TRIQK: variants seen among roughly 807,000 people sequenced by gnomAD.
TRIQK encodes triple QxxK/R motif-containing protein.
Under a neutral mutation model 10.8 loss-of-function variants are expected in TRIQK, and 10 were observed. The observed-to-expected ratio is 0.92, with a 90% confidence interval of 0.57 to 1.57. The LOEUF (loss-of-function observed/expected upper bound fraction) is 1.57, where lower values mean the gene tolerates loss of function less well. Ranked by LOEUF, TRIQK falls within the 40% of genes most tolerant of loss-of-function variation. The pLI is 0.00. For synonymous variants in TRIQK, 33 were observed against 33.7 expected (o/e 0.98, Z 0.07); for missense variants, 107 against 97.7 (o/e 1.09, Z -0.40).
chr8:92,910,704 CTAAA>C (rs1478601497), intron 3 of TRIQK, among the ~76,000 whole-genome samples: 1 of 150,544 alleles, frequency 6.6e-6, no homozygotes, highest in Non-Finnish European at 1.5e-5. Context: ...AAAAAGAAGT[CTAAA>C]CAGACACTTC....
chr8:92,903,790 G>A (rs1021610861), intron 3 of TRIQK, among the ~76,000 whole-genome samples: 23 of 152,012 alleles, frequency 1.5e-4, no homozygotes, highest in Admixed American at 1.2e-3. Context: ...TACGTTCAGG[G>A]TGATAACTAA....
At chr8:93,014,564 T>C (rs1260705865) in intron 1 of TRIQK, among the ~76,000 whole-genome samples, 4 of 152,100 alleles carry the variant, frequency 2.6e-5, no homozygotes, top group African/African-American at 9.6e-5. Flanking sequence ...TTCTGAGTTG[T>C]TGTGTTGTTA....
intron 1 of TRIQK, among the ~76,000 whole-genome samples, chr8:93,003,583 C>G (rs1586528875): frequency 6.6e-6 from 1 of 152,254 alleles, no homozygotes; most frequent in African/African-American, 2.4e-5. Flanking sequence ...CATTTCACAA[C>G]ACAATCAGGC....
intron 1 of TRIQK, among the ~76,000 whole-genome samples, chr8:92,984,612 G>A (rs949027614): frequency 6.6e-6 from 1 of 152,010 alleles, no homozygotes; most frequent in African/African-American, 2.4e-5. Flanking sequence ...TCGACCTTTC[G>A]AAACATATTT....
At chr8:92,887,154 T>G (rs1586358168) in intron 4 of TRIQK, among the ~76,000 whole-genome samples, 1 of 151,542 alleles carries the variant, frequency 6.6e-6, no homozygotes, top group Middle Eastern at 3.4e-3. Context: ...TGATAGCATT[T>G]GGGCACAGTT....
At chr8:93,000,727 T>A (rs1813201649) in intron 1 of TRIQK, among the ~76,000 whole-genome samples, 1 of 152,168 alleles carries the variant, frequency 6.6e-6, no homozygotes, top group African/African-American at 2.4e-5. Flanking sequence ...CAACCAAATT[T>A]AAGTTGTTAT....
chr8:92,946,965 C>A (rs1044004457), intron 2 of TRIQK, among the ~76,000 whole-genome samples: 1 of 151,558 alleles, frequency 6.6e-6, no homozygotes, highest in Non-Finnish European at 1.5e-5. Flanking sequence ...TGGGGTTTCA[C>A]CGTGTTAGCC....
At position 93,001,108 on chromosome 8, in the gene TRIQK, C is replaced by T. The variant is rs562724471; in HGVS notation, c.-181+16501G>A. 6.6e-5 allele frequency among the ~76,000 whole-genome samples: 10 copies of T among 152,098 alleles called. No individual in the cohort carries two copies. The East Asian group carries it at 1.9e-3, about 29-fold the overall frequency. On this transcript the variant is annotated intron_variant, in intron 1 of 4. Transcript: ENST00000520686. ...AGAGCATGAGGTCAGGAGATCAAGA[C>T]CATCCTGGCTAACACGGTGAAACCC...
chr8:92,920,259 T>G (rs1810106353), intron 2 of TRIQK, among the ~76,000 whole-genome samples: 1 of 151,734 alleles, frequency 6.6e-6, no homozygotes, highest in East Asian at 1.9e-4. Context: ...TTACAATATG[T>G]CATTATTCAT....
intron 2 of TRIQK, among the ~76,000 whole-genome samples, chr8:92,942,151 T>C (rs915147977): frequency 6.6e-5 from 10 of 152,156 alleles, no homozygotes; most frequent in Admixed American, 2.6e-4. Flanking sequence ...TGGTTATAGA[T>C]GCAAAAATCC....
chr8:92,950,675 C>G (rs1226174544), intron 2 of TRIQK, among the ~76,000 whole-genome samples: 1 of 152,082 alleles, frequency 6.6e-6, no homozygotes, highest in Non-Finnish European at 1.5e-5. Context: ...ATAAGAGCCT[C>G]AAACCTTTAA....
rs934797767 is a variant in TRIQK, at chr8:92,964,478, A to C, written c.-181+1529T>G. Reference sequence around the variant, plus strand: ...TATATATATATCTATATATATATATATATCTAGTGATATTAAAGAGGAAAA... The same window carrying C: ...TATATATATATCTATATATATATATCTATCTAGTGATATTAAAGAGGAAAA... On this transcript the variant is annotated intron_variant, in intron 1 of 4. Coordinates refer to ENST00000521988, the MANE Select transcript of TRIQK (RefSeq NM_001171797.2). Among the ~76,000 whole-genome samples the C allele has an allele frequency of 1.1e-4, 16 of 148,302 alleles. No individual in the cohort carries two copies. The East Asian group carries it at 2.2e-3, about 20-fold the overall frequency.
chr8:92,910,144 G>A (rs1483384291), intron 3 of TRIQK, among the ~76,000 whole-genome samples: 1 of 151,160 alleles, frequency 6.6e-6, no homozygotes. Context: ...CATTAGAGAT[G>A]CCAAAAAAAA....
chr8:92,892,152 T>C, intron 3 of TRIQK, 78 bp from the exon 4 acceptor site: 1 of 1,051,106 alleles, frequency 9.5e-7, no homozygotes, highest in Non-Finnish European at 1.4e-6. Flanking sequence ...TGTCAAAGAA[T>C]GTTTAAATAC....
intron 1 of TRIQK, among the ~76,000 whole-genome samples, chr8:92,983,316 T>C (rs1813003575): frequency 6.6e-6 from 1 of 152,004 alleles, no homozygotes; most frequent in African/African-American, 2.4e-5. Flanking sequence ...ACTGTTCTTA[T>C]ACACAAACTA....
At chr8:92,909,584 C>T (rs1809462222) in intron 3 of TRIQK, among the ~76,000 whole-genome samples, 1 of 151,644 alleles carries the variant, frequency 6.6e-6, no homozygotes. Context: ...TCATGCATTA[C>T]CATTACAGAA....
At chr8:92,967,412 C>T (rs1812795182), upstream of TRIQK, among the ~76,000 whole-genome samples, 1 of 152,160 alleles carries the variant, frequency 6.6e-6, no homozygotes, top group Admixed American at 6.5e-5. Flanking sequence ...TAATTTTACA[C>T]TCTTGACCTG....
At chr8:92,929,705 G>A in intron 2 of TRIQK, 1 of 152,104 alleles carries the variant, frequency 6.6e-6, no homozygotes, top group Non-Finnish European at 1.5e-5. Context: ...ATATAAAAGG[G>A]ATAGGCATTT....
intron 1 of TRIQK, chr8:92,973,660 T>G (rs1306474140): frequency 4.6e-5 from 7 of 152,186 alleles, no homozygotes; most frequent in African/African-American, 1.7e-4. Flanking sequence ...ATAAAATTTT[T>G]GGTGCAAAGT....
Sources: allele counts gnomAD v4.1 joint callset (sites outside exome capture counted in the v4.1 genomes callset), GRCh38; gene constraint gnomAD v4.1.1; transcripts MANE v1.5; gene names NCBI Gene and HGNC (gene_info 2026-07-23, HGNC 2026-07-21).